GRHL2: variants seen among roughly 807,000 people sequenced by gnomAD.
The protein encoded by GRHL2 is grainyhead-like protein 2 homolog.
GRHL2 carries 21 observed loss-of-function variants against 83.8 expected under a neutral mutation model. That is an observed-to-expected ratio of 0.25 (90% CI 0.18 to 0.36). GRHL2 has a LOEUF of 0.36. GRHL2 is among the 10% of genes least tolerant of loss of function. The pLI is 1.00. For synonymous variants in GRHL2, 280 were observed against 278.9 expected, an observed-to-expected ratio of 1.00 and a Z score of -0.04; for missense variants, 623 against 781.8, an observed-to-expected ratio of 0.80 and a Z score of 2.42.
chr8:101,540,807 C>CATTTT (rs563144994), intron 1 of GRHL2, among the ~76,000 whole-genome samples: 2 of 151,934 alleles, frequency 1.3e-5, no homozygotes, highest in East Asian at 1.9e-4. Context: ...TTTTATTTTC[C>CATTTT]ATTTTATTTT....
intron 8 of GRHL2, among the ~76,000 whole-genome samples, chr8:101,608,735 TCACACA>T (rs72332231): frequency 0.072 from 10,438 of 144,480 alleles, 629 homozygotes; most frequent in Non-Finnish European, 0.082. Flanking sequence ...GCTCACTCTC[TCACACA>T]CACACACACA....
chr8:101,610,543 G>A (rs1812727053), intron 8 of GRHL2, among the ~76,000 whole-genome samples: 1 of 150,702 alleles, frequency 6.6e-6, no homozygotes, highest in South Asian at 2.1e-4. Flanking sequence ...GTGTCTGAAA[G>A]GAGAGAGATA....
intron 11 of GRHL2, 114 bp downstream of exon 11, chr8:101,632,479 TAGAGAA>T: frequency 7.8e-7 from 1 of 1,276,424 alleles, no homozygotes; most frequent in Non-Finnish European, 1.1e-6. Context: ...TTCCATTCAC[TAGAGAA>T]AAAGTCAATG....
intron 8 of GRHL2, among the ~76,000 whole-genome samples, chr8:101,611,038 C>T (rs1022969863): frequency 6.6e-6 from 1 of 150,828 alleles, no homozygotes; most frequent in East Asian, 1.9e-4. Context: ...AGTGAGTGTC[C>T]GAGGAGGCTG....
intron 1 of GRHL2, among the ~76,000 whole-genome samples, chr8:101,535,712 G>A (rs528886702): frequency 6.6e-6 from 1 of 151,976 alleles, no homozygotes; most frequent in African/African-American, 2.4e-5. Context: ...CTAATTTTTT[G>A]TATTTTTAGT....
At chr8:101,580,314 C>G (rs1210320839) in intron 7 of GRHL2, among the ~76,000 whole-genome samples, 1 of 152,166 alleles carries the variant, frequency 6.6e-6, no homozygotes, top group African/African-American at 2.4e-5. Context: ...CAGATTATCT[C>G]AAATCTTCTC....
chr8:101,591,836 G>T (rs1252870728), intron 7 of GRHL2, among the ~76,000 whole-genome samples: 2 of 152,164 alleles, frequency 1.3e-5, no homozygotes, highest in East Asian at 1.9e-4. Flanking sequence ...AAGGGCATTT[G>T]CATTTTAATG....
intron 3 of GRHL2, among the ~76,000 whole-genome samples, chr8:101,557,869 G>A (rs1811519699): frequency 6.6e-6 from 1 of 151,868 alleles, no homozygotes; most frequent in Non-Finnish European, 1.5e-5. Context: ...TTAGGGTTAG[G>A]TTTTGTTTTG....
chr8:101,622,374 C>T (rs1354727493), intron 9 of GRHL2, among the ~76,000 whole-genome samples: 1 of 152,096 alleles, frequency 6.6e-6, no homozygotes, highest in Non-Finnish European at 1.5e-5. Flanking sequence ...AGTCAACAAA[C>T]TTTAGACAAG....
At chr8:101,559,418 T>C (rs1563580188) in intron 4 of GRHL2, among the ~76,000 whole-genome samples, 2 of 142,036 alleles carry the variant, frequency 1.4e-5, no homozygotes, top group South Asian at 2.2e-4. Flanking sequence ...TAATTCCAGA[T>C]ACTTGGGAGG....
At position 101,666,962 on chromosome 8, in the gene GRHL2, CT is replaced by C; in HGVS notation, c.*263del. ...TGTTGGATTCCTATTTATTGCCCAC[CT>C]TTTCCTGGAGCCCAGGTCCAGGCCC... On this transcript the variant is annotated 3_prime_UTR_variant, in exon 16 of 16. Coordinates refer to ENST00000646743, the MANE Select transcript of GRHL2 (RefSeq NM_024915.4). 3 of 564,466 alleles carry C rather than the reference CT, an allele frequency of 5.3e-6. No individual in the cohort carries two copies. The highest frequency in any genetic ancestry group is 3.0e-5 in the East Asian group (1 of 32,794). The allele number at this position is 564,466 out of a possible 1,614,324, so 35.0% of individuals were successfully genotyped here.
intron 3 of GRHL2, 151 bp from the exon 4 acceptor site, chr8:101,558,268 C>A: frequency 2.4e-6 from 2 of 822,314 alleles, no homozygotes; most frequent in Non-Finnish European, 4.0e-6. Context: ...ACGCAAGGAT[C>A]CCATTGCGTT....
chr8:101,631,868 GTGAT>G (rs1813192234), intron 10 of GRHL2, 144 bp downstream of exon 10: 1 of 742,502 alleles, frequency 1.3e-6, no homozygotes, highest in African/African-American at 1.7e-5. Context: ...TGGAGACAGG[GTGAT>G]TGATTATCCC....
chr8:101,644,753 G>A (rs1429180364), intron 13 of GRHL2, among the ~76,000 whole-genome samples: 2 of 152,160 alleles, frequency 1.3e-5, no homozygotes, highest in South Asian at 2.1e-4. Flanking sequence ...GCCCTTCCTC[G>A]GAGTAAGAGG....
At chr8:101,574,538 T>C (rs985774911) in intron 6 of GRHL2, among the ~76,000 whole-genome samples, 1 of 152,194 alleles carries the variant, frequency 6.6e-6, no homozygotes, top group Non-Finnish European at 1.5e-5. Context: ...TGGTGTTGGG[T>C]CCATGATGCC....
At chr8:101,505,200 TTTC>T (rs1810313185) in intron 1 of GRHL2, among the ~76,000 whole-genome samples, 1 of 152,112 alleles carries the variant, frequency 6.6e-6, no homozygotes, top group African/African-American at 2.4e-5. Context: ...CCCCCATCCT[TTTC>T]TTCATATTGT....
intron 13 of GRHL2, among the ~76,000 whole-genome samples, chr8:101,646,484 G>A (rs942043995): frequency 1.3e-5 from 2 of 152,274 alleles, no homozygotes; most frequent in East Asian, 1.9e-4. Flanking sequence ...CAGCAATAAC[G>A]GGCACTTTCC....
chr8:101,492,800 C>T lies in GRHL2; in HGVS notation c.20+11C>T. The T allele has an allele frequency of 6.2e-7, 1 of 1,613,740 alleles. No homozygotes were observed. Among genetic ancestry groups the T allele is most frequent in the Non-Finnish European group, 8.5e-7 (1 of 1,179,616 alleles). On this transcript the variant is annotated intron_variant, in intron 1 of 15. Transcript: ENST00000646743. ...ACAAGAGTCGGACAAGTAAGTGGAT[C>T]ACACGCGCCGGCTGCTGCTACTACT...
At chr8:101,566,061 C>T (rs1811710848) in intron 4 of GRHL2, among the ~76,000 whole-genome samples, 1 of 152,144 alleles carries the variant, frequency 6.6e-6, no homozygotes, top group Admixed American at 6.5e-5. Flanking sequence ...ATTTAAAGGA[C>T]AAAATCTCAA....
Sources: allele counts gnomAD v4.1 joint callset (sites outside exome capture counted in the v4.1 genomes callset), GRCh38; gene constraint gnomAD v4.1.1; transcripts MANE v1.5; gene names NCBI Gene and HGNC (gene_info 2026-07-23, HGNC 2026-07-21).